KCNQ1: variants seen among roughly 807,000 people sequenced by gnomAD.
The protein encoded by KCNQ1 is potassium voltage-gated channel subfamily KQT member 1.
Under a neutral mutation model 72.4 loss-of-function variants are expected in KCNQ1, and 49 were observed. The ratio of observed to expected loss-of-function variants is 0.68; its 90% CI spans 0.54 to 0.86. The LOEUF (loss-of-function observed/expected upper bound fraction) is 0.86, where lower values mean the gene tolerates loss of function less well. Among genes scored for constraint, KCNQ1 ranks in the 40% least tolerant of loss-of-function variants. The pLI is 0.00. For synonymous variants in KCNQ1, 450 were observed against 412.6 expected (o/e 1.09, Z -1.10); for missense variants, 790 against 945.1 (o/e 0.84, Z 2.15).
rs893164820 is a variant in KCNQ1 at position 2,654,697 on chromosome 11, G to A, written c.1394-7264G>A. On this transcript the variant is annotated intron_variant, in intron 10 of 15. Coordinates refer to ENST00000155840, the MANE Select transcript of KCNQ1 (RefSeq NM_000218.3). This position sits in a 1 kb window ranked among gnomAD's most constrained non-coding sequence, Gnocchi z 6.4. ...GCTGGAGCTTTGAGCTTTGTCATAG[G>A]CTGGACTTGGGGCTTGAATGCTGAC... 1.3e-5 allele frequency: 5 copies of A among 398,690 alleles called. No homozygotes were observed. The highest frequency in any genetic ancestry group is 8.2e-5 in the African/African-American group (4 of 48,594). 24.7% of individuals were successfully genotyped at this position (398,690 alleles called of 1,614,324 possible).
chr11:2,627,503 C>CT lies in KCNQ1; in HGVS notation c.1394-34457dup. ...AACCACCCTTCTACTCTCCGTTTCT[C>CT]TGAGTTCAAGCTTTTTAGAATTCCA... is the stretch of plus-strand genomic sequence containing the variant. On this transcript the variant is annotated intron_variant, in intron 10 of 15. Transcript: ENST00000155840. The surrounding 1 kb of genome is among the most constrained non-coding windows in gnomAD (Gnocchi z 4.9). The CT allele has an allele frequency of 2.5e-6, 1 of 398,532 alleles. No homozygotes were observed. The highest frequency in any genetic ancestry group is 4.4e-6 in the Non-Finnish European group (1 of 226,040). The allele number at this position is 398,532 out of a possible 1,614,324, so 24.7% of individuals were successfully genotyped here. A position where few individuals can be genotyped will look rare whatever the true frequency, so the allele number is the denominator to read the frequency against.
rs1846229178 is a variant in KCNQ1 at position 2,458,629 on chromosome 11, T to A, written c.386+13145T>A. On this transcript the variant is annotated intron_variant, in intron 1 of 15. Transcript: ENST00000155840. The surrounding 1 kb of genome is among the most constrained non-coding windows in gnomAD (Gnocchi z 4.6). ...AAGTGCTCCCATCCACAATGCTTCC[T>A]TGCCTGGATGGATGGATGGATGGAT... 7.3e-6 allele frequency among the ~76,000 whole-genome samples: 1 copy of A among 137,650 alleles called. No individual in the cohort carries two copies. Among genetic ancestry groups the A allele is most frequent in the Admixed American group, 7.5e-5 (1 of 13,394 alleles). The allele number at this position is 137,650 out of a possible 152,430, so 90.3% of individuals were successfully genotyped here.
At chr11:2,744,425 G>A (rs1299543561) in intron 11 of KCNQ1, among the ~76,000 whole-genome samples, 1 of 152,246 alleles carries the variant, frequency 6.6e-6, no homozygotes, top group Non-Finnish European at 1.5e-5. Context: ...CAGAGCATGT[G>A]ATACCTGCAG....
rs184337048 is a variant in KCNQ1, at chr11:2,482,077, G to A, written c.386+36593G>A. Among the ~76,000 whole-genome samples, 1 of 152,272 alleles carries A rather than the reference G, an allele frequency of 6.6e-6. No individual in the cohort carries two copies. The highest frequency in any genetic ancestry group is 2.4e-5 in the African/African-American group (1 of 41,548). The stretch of plus-strand genomic sequence containing the variant: ...GTTTCTTCATCTCTGAAACGGGAAC[G>A]ATGGGAGCCCTCACCTCGTATGGTG... On this transcript the variant is annotated intron_variant, in intron 1 of 15. Transcript: ENST00000155840. The surrounding 1 kb of genome is among the most constrained non-coding windows in gnomAD (Gnocchi z 5.7).
chr11:2,468,021 C>T lies in KCNQ1; in HGVS notation c.386+22537C>T, dbSNP rs1399953103. Among the ~76,000 whole-genome samples, 1 of 152,260 alleles carries T rather than the reference C, an allele frequency of 6.6e-6. No individual in the cohort carries two copies. Among genetic ancestry groups the T allele is most frequent in the Non-Finnish European group, 1.5e-5 (1 of 68,050 alleles). ...TGCCTCTGCATTTCCTTTACCCCATCTGTAAAATAGGGATAACAGCAGCTT... is the reference window on the plus strand; with the variant it reads ...TGCCTCTGCATTTCCTTTACCCCATTTGTAAAATAGGGATAACAGCAGCTT... On this transcript the variant is annotated intron_variant, in intron 1 of 15. Transcript: ENST00000155840. This position sits in a 1 kb window ranked among gnomAD's most constrained non-coding sequence, Gnocchi z 5.7.
At position 2,713,684 on chromosome 11, in the gene KCNQ1, C is replaced by G. The variant is rs549064141; in HGVS notation, c.1514+51603C>G. ...GCCACAGGCTCTGCGGGCCTCTGGC[C>G]GAGCTGGGTTGCAGGAGAAGCCAAG... On this transcript the variant is annotated intron_variant, in intron 11 of 15. Transcript: ENST00000155840. The surrounding 1 kb of genome is among the most constrained non-coding windows in gnomAD (Gnocchi z 5.6). Among the ~76,000 whole-genome samples the G allele has an allele frequency of 1.3e-5, 2 of 152,082 alleles. No individual in the cohort carries two copies. Among genetic ancestry groups the G allele is most frequent in the Non-Finnish European group, 2.9e-5 (2 of 68,008 alleles).
At chr11:2,739,623 C>T (rs1472043423) in intron 11 of KCNQ1, among the ~76,000 whole-genome samples, 1 of 152,246 alleles carries the variant, frequency 6.6e-6, no homozygotes, top group East Asian at 1.9e-4. Context: ...AACTTGTTCT[C>T]ACTCTGCCCC....
At chr11:2,625,578 CTT>C (rs35148119) in intron 10 of KCNQ1, 38,124 of 291,398 alleles carry the variant, frequency 0.13, 13 homozygotes, top group East Asian at 0.21. Flanking sequence ...GTCCTTTGCC[CTT>C]TTTTTTTTTT....
intron 12 of KCNQ1, among the ~76,000 whole-genome samples, chr11:2,773,387 C>T (rs1412401783): frequency 6.6e-6 from 1 of 151,702 alleles, no homozygotes; most frequent in Non-Finnish European, 1.5e-5. Flanking sequence ...CAGGGCTCAG[C>T]GTCCAATCTT....
At chr11:2,528,054 G>A (rs1212893822) in intron 2 of KCNQ1, 36 bp downstream of exon 2, 1 of 1,548,692 alleles carries the variant, frequency 6.5e-7, no homozygotes, top group Non-Finnish European at 8.9e-7. Flanking sequence ...GGATGTCATG[G>A]CTGCCTTGGA....
rs1417412932 is a variant in KCNQ1 at position 2,471,569 on chromosome 11, TGTGTGTGTGCACGTGTGTATGGGTGC to T, written c.386+26091_386+26116del. ...ACAGCCTCACAGGCACATGTGTATG[TGTGTGTGTGCACGTGTGTATGGGTGC>T]GTGTGCACCTGTGTATATGGGTGTG... On this transcript the variant is annotated intron_variant, in intron 1 of 15. Transcript: ENST00000155840. This position sits in a 1 kb window ranked among gnomAD's most constrained non-coding sequence, Gnocchi z 4.8. Among the ~76,000 whole-genome samples, 3 of 39,680 alleles carry T rather than the reference TGTGTGTGTGCACGTGTGTATGGGTGC, an allele frequency of 7.6e-5. No homozygotes were observed. The highest frequency in any genetic ancestry group is 1.1e-4 in the Non-Finnish European group (1 of 9,330). 26.0% of individuals were successfully genotyped at this position (39,680 alleles called of 152,430 possible). A position where few individuals can be genotyped will look rare whatever the true frequency, so the allele number is the denominator to read the frequency against.
rs543136448 is a variant in KCNQ1, at chr11:2,463,167, T to G, written c.386+17683T>G. Among the ~76,000 whole-genome samples, 144 of 152,236 alleles carry G rather than the reference T, an allele frequency of 9.5e-4. No individual in the cohort carries two copies. The highest frequency in any genetic ancestry group is 1.7e-3 in the Non-Finnish European group (116 of 68,002). On this transcript the variant is annotated intron_variant, in intron 1 of 15. Coordinates refer to ENST00000155840, the MANE Select transcript of KCNQ1 (RefSeq NM_000218.3). The surrounding 1 kb of genome is among the most constrained non-coding windows in gnomAD (Gnocchi z 7.0). ...TTGGTCAGAGTGGGGAACTGGACGC[T>G]CCGTCCCTGGCTCAGCCTCTCCCGG...
rs543660152 is a variant in KCNQ1, at chr11:2,725,009, T to C, written c.1515-43835T>C. Among the ~76,000 whole-genome samples, 4 of 152,312 alleles carry C rather than the reference T, an allele frequency of 2.6e-5. No homozygotes were observed. Among genetic ancestry groups the C allele is most frequent in the African/African-American group, 9.6e-5 (4 of 41,580 alleles). ...GAACTTGGTGTGCCACCAGGGTCCC[T>C]GTCCGTTTAAGAAAAGCCTGTGGGC... On this transcript the variant is annotated intron_variant, in intron 11 of 15. Coordinates refer to ENST00000155840, the MANE Select transcript of KCNQ1 (RefSeq NM_000218.3). The surrounding 1 kb of genome is among the most constrained non-coding windows in gnomAD (Gnocchi z 7.2).
intron 11 of KCNQ1, among the ~76,000 whole-genome samples, chr11:2,705,717 A>G (rs943849332): frequency 2.0e-5 from 3 of 152,236 alleles, no homozygotes; most frequent in Admixed American, 2.0e-4. Context: ...GCCAGGGCCA[A>G]CCTGGGAAGT....
At chr11:2,560,909 C>G (rs575818479) in intron 2 of KCNQ1, among the ~76,000 whole-genome samples, 13 of 152,050 alleles carry the variant, frequency 8.5e-5, no homozygotes, top group African/African-American at 3.1e-4. Flanking sequence ...TGAGGCTGCG[C>G]GGTGCCCTGC....
At chr11:2,643,206 G>A in intron 10 of KCNQ1, 1 of 398,278 alleles carries the variant, frequency 2.5e-6, no homozygotes, top group Non-Finnish European at 4.4e-6. Context: ...TAAATCCAAT[G>A]TTTCTTTGTT....
rs1475511696 is a variant in KCNQ1 at position 2,653,663 on chromosome 11, C to T, written c.1394-8298C>T. 2 of 398,572 alleles carry T rather than the reference C, an allele frequency of 5.0e-6. No homozygotes were observed. Among genetic ancestry groups the T allele is most frequent in the Non-Finnish European group, 8.8e-6 (2 of 226,112 alleles). 24.7% of individuals were successfully genotyped at this position (398,572 alleles called of 1,614,324 possible). ...TTTCTAAAAGGGGCAAAATGGCCAC[C>T]AGCTTGCATTCAACAGCTCAGGAAG... On this transcript the variant is annotated intron_variant, in intron 10 of 15. Transcript: ENST00000155840. The surrounding 1 kb of genome is among the most constrained non-coding windows in gnomAD (Gnocchi z 5.3).
chr11:2,818,251 C>G lies in KCNQ1; in HGVS notation c.1795-29516C>G, dbSNP rs1453594526. 2.0e-5 allele frequency among the ~76,000 whole-genome samples: 3 copies of G among 152,174 alleles called. No homozygotes were observed. Among genetic ancestry groups the G allele is most frequent in the Non-Finnish European group, 4.4e-5 (3 of 68,024 alleles). On this transcript the variant is annotated intron_variant, in intron 15 of 15. Coordinates refer to ENST00000155840, the MANE Select transcript of KCNQ1 (RefSeq NM_000218.3). The surrounding 1 kb of genome is among the most constrained non-coding windows in gnomAD (Gnocchi z 7.2). ...AGAGTGTGGGGGTCAGGAATGGCGT[C>G]CTTGTGCCCTTGTCACCCACTCCTG...
rs909296187 is a variant in KCNQ1 at position 2,593,614 on chromosome 11, C to G, written c.1393+4760C>G. Among the ~76,000 whole-genome samples the G allele has an allele frequency of 1.3e-5, 2 of 152,150 alleles. No individual in the cohort carries two copies. The highest frequency in any genetic ancestry group is 2.9e-5 in the Non-Finnish European group (2 of 68,018). ...TGCTGGAGGAGCATGCATCACATAC[C>G]CAGAGGTCCCCAGTGTGGTCTGGGG... On this transcript the variant is annotated intron_variant, in intron 10 of 15. Transcript: ENST00000155840. The surrounding 1 kb of genome is among the most constrained non-coding windows in gnomAD (Gnocchi z 6.9).
Sources: allele counts gnomAD v4.1 joint callset (sites outside exome capture counted in the v4.1 genomes callset), GRCh38; gene constraint gnomAD v4.1.1; non-coding constraint Gnocchi (gnomAD v3.1); transcripts MANE v1.5; gene names NCBI Gene and HGNC (gene_info 2026-07-23, HGNC 2026-07-21).